The following KIZ variants were observed in gnomAD, a reference collection of about 807,000 sequenced individuals.
The protein encoded by KIZ is kizuna centrosomal protein, also known as centrosomal protein kizuna.
In KIZ, 68 loss-of-function variants were observed where a neutral mutation model predicts 79.6. That is an observed-to-expected ratio of 0.85 (90% CI 0.70 to 1.05). The LOEUF (loss-of-function observed/expected upper bound fraction) is 1.05. Among genes scored for constraint, KIZ ranks in the 50% least tolerant of loss-of-function variants. The probability of loss-of-function intolerance (pLI) is 0.00; values close to 1 mark genes in which losing one functional copy is unlikely to be tolerated. For synonymous variants in KIZ, 280 were observed against 281.8 expected (o/e 0.99, Z 0.06); for missense variants, 797 against 800.4 (o/e 1.00, Z 0.05).
intron 4 of KIZ, among the ~76,000 whole-genome samples, chr20:21,156,854 G>A (rs1015326063): frequency 6.6e-6 from 1 of 152,192 alleles, no homozygotes; most frequent in African/African-American, 2.4e-5. Flanking sequence ...TATATGTAGA[G>A]GGAGAGAAAA....
chr20:21,144,216 A>G (rs1249715078), intron 3 of KIZ: 1 of 152,192 alleles, frequency 6.6e-6, no homozygotes, highest in African/African-American at 2.4e-5. Context: ...ATGATCCTAT[A>G]ATGAGGAAAT....
In KIZ at chr20:21,205,535, G is replaced by T; in HGVS notation, c.1397G>T (p.Gly466Val). The T allele has an allele frequency of 1.9e-6, 3 of 1,573,950 alleles. No individual in the cohort carries two copies. The highest frequency in any genetic ancestry group is 2.6e-6 in the Non-Finnish European group (3 of 1,153,600). ...TCAGACGTACCGAGGGCACAGGTGG[G>T]TCAGCATGTTGCCACCTTGAAAGAA... is the stretch of plus-strand genomic sequence containing the variant. ...PDSDVPRAQV[G>V]QHVATLKEHD... The change falls in exon 7 of 13, where the codon GGT becomes GTT. Residue 466 changes from glycine (G) to valine (V), a missense_variant. Transcript: ENST00000619189.
intron 3 of KIZ, among the ~76,000 whole-genome samples, chr20:21,142,634 A>G (rs573045208): frequency 6.6e-6 from 1 of 152,120 alleles, no homozygotes; most frequent in South Asian, 2.1e-4. Context: ...CTACAAAAAA[A>G]TAGAAAAAAT....
At chr20:21,190,008 T>C (rs1045921604) in intron 6 of KIZ, among the ~76,000 whole-genome samples, 13 of 152,214 alleles carry the variant, frequency 8.5e-5, no homozygotes, top group African/African-American at 2.7e-4. Context: ...ACTGTTTAAC[T>C]ATGTATGTGT....
intron 3 of KIZ, among the ~76,000 whole-genome samples, chr20:21,137,656 G>T: frequency 6.6e-6 from 1 of 151,158 alleles, no homozygotes; most frequent in Non-Finnish European, 1.5e-5. Context: ...CTGAGCCATT[G>T]AAAGTCTGCT....
chr20:21,217,985 A>G (rs924715803), intron 9 of KIZ, among the ~76,000 whole-genome samples: 2 of 152,122 alleles, frequency 1.3e-5, no homozygotes, highest in African/African-American at 4.8e-5. Flanking sequence ...GGACCTGCAT[A>G]CCTTCCTTGA....
chr20:21,166,695 T>A (rs1342067902), intron 6 of KIZ: 2 of 628,906 alleles, frequency 3.2e-6, no homozygotes, highest in Non-Finnish European at 5.5e-6. Flanking sequence ...CTACCTCAGG[T>A]GATCTGCCTG....
intron 11 of KIZ, among the ~76,000 whole-genome samples, chr20:21,243,692 G>A (rs2037294217): frequency 6.6e-6 from 1 of 152,166 alleles, no homozygotes; most frequent in Admixed American, 6.5e-5. Context: ...GACGGTCCTG[G>A]ACGCCACGAA....
At chr20:21,243,940 A>G (rs2123529797) in intron 11 of KIZ, among the ~76,000 whole-genome samples, 1 of 152,288 alleles carries the variant, frequency 6.6e-6, no homozygotes, top group African/African-American at 2.4e-5. Flanking sequence ...TCAGGGGAAC[A>G]TGCGATCATC....
intron 4 of KIZ, among the ~76,000 whole-genome samples, chr20:21,153,621 A>C (rs1334187071): frequency 6.6e-6 from 1 of 152,176 alleles, no homozygotes; most frequent in African/African-American, 2.4e-5. Context: ...GCCATAACAA[A>C]ATACCACAAA....
At chr20:21,145,190 T>G (rs557866928) in intron 3 of KIZ, among the ~76,000 whole-genome samples, 45 of 151,902 alleles carry the variant, frequency 3.0e-4, no homozygotes, top group Non-Finnish European at 5.9e-4. Flanking sequence ...GGGGCAAAAC[T>G]TCTAAAAGGA....
intron 9 of KIZ, among the ~76,000 whole-genome samples, chr20:21,225,493 A>G (rs538738993): frequency 6.6e-6 from 1 of 152,380 alleles, no homozygotes; most frequent in South Asian, 2.1e-4. Flanking sequence ...TCAAATTTTC[A>G]GACTTACAGT....
intron 1 of KIZ, among the ~76,000 whole-genome samples, chr20:21,128,999 C>T (rs1600336902): frequency 6.6e-6 from 1 of 152,156 alleles, no homozygotes; most frequent in Non-Finnish European, 1.5e-5. Context: ...TGACTGAAAA[C>T]ATGAACTATG....
chr20:21,243,028 C>A (rs947204323), intron 11 of KIZ, among the ~76,000 whole-genome samples: 2 of 152,112 alleles, frequency 1.3e-5, no homozygotes, highest in African/African-American at 4.8e-5. Flanking sequence ...TAATAGACAT[C>A]CCTGCAGTTG....
chr20:21,208,994 A>T (rs2035954649), intron 7 of KIZ, among the ~76,000 whole-genome samples: 1 of 152,186 alleles, frequency 6.6e-6, no homozygotes, highest in Non-Finnish European at 1.5e-5. Flanking sequence ...AAAGTAAGTG[A>T]TTTTCAAAAT....
intron 6 of KIZ, among the ~76,000 whole-genome samples, chr20:21,171,817 C>G (rs1393987842): frequency 1.3e-5 from 2 of 152,198 alleles, no homozygotes; most frequent in African/African-American, 2.4e-5. Context: ...AGCTGGAACT[C>G]TCACTATGGG....
Position 21,161,970 on chromosome 20 carries a change from A to G in KIZ, c.505A>G (p.Ser169Gly), listed in dbSNP as rs200388739. ...FMGRQMSAILSMRDFSTEHKS... is the reference protein window; with the variant it reads ...FMGRQMSAILGMRDFSTEHKS... ...GGGCCGCCAAATGTCAGCCATCTTAAGCATGAGAGATTTCAGTACAGAGCA... is the reference window on the plus strand; with the variant it reads ...GGGCCGCCAAATGTCAGCCATCTTAGGCATGAGAGATTTCAGTACAGAGCA... Residue 169 changes from serine (S) to glycine (G), a missense_variant, in exon 5 of 13, where the codon AGC (serine) becomes GGC (glycine). Transcript: ENST00000619189. 485 of 1,614,018 alleles carry G rather than the reference A, an allele frequency of 3.0e-4. No homozygotes were observed. Among genetic ancestry groups the G allele is most frequent in the Middle Eastern group, 8.2e-4 (5 of 6,062 alleles).
chr20:21,181,724 G>T (rs1469502236), intron 6 of KIZ, among the ~76,000 whole-genome samples: 1 of 152,178 alleles, frequency 6.6e-6, no homozygotes, highest in African/African-American at 2.4e-5. Flanking sequence ...CTCCCAAAGT[G>T]CTGGGATTAC....
intron 4 of KIZ, among the ~76,000 whole-genome samples, chr20:21,149,474 A>G (rs562305680): frequency 2.0e-5 from 3 of 152,184 alleles, no homozygotes; most frequent in Non-Finnish European, 4.4e-5. Flanking sequence ...ATGCCTTACA[A>G]CTCGACTGAA....
Sources: allele counts gnomAD v4.1 joint callset (sites outside exome capture counted in the v4.1 genomes callset), GRCh38; gene constraint gnomAD v4.1.1; transcripts MANE v1.5; gene names NCBI Gene and HGNC (gene_info 2026-07-23, HGNC 2026-07-21).